MIB1: variants seen among roughly 807,000 people sequenced by gnomAD.
MIB1 encodes E3 ubiquitin-protein ligase MIB1.
In MIB1, 278 loss-of-function variants were observed where a neutral mutation model predicts 124.5. That is an observed-to-expected ratio of 2.23 (90% CI 2.02 to 2.47). The LOEUF is 2.47. MIB1 is among the 30% of genes most tolerant of loss of function. The probability of loss-of-function intolerance (pLI) is 0.00; values close to 1 mark genes in which losing one functional copy is unlikely to be tolerated. For synonymous variants in MIB1, 446 were observed against 429.4 expected, an observed-to-expected ratio of 1.04 and a Z score of -0.48; for missense variants, 957 against 1,254.4, an observed-to-expected ratio of 0.76 and a Z score of 3.58.
chr18:21,774,810 A>ATTTATTTATTTATT (rs1555690026), intron 4 of MIB1, among the ~76,000 whole-genome samples: 1 of 149,580 alleles, frequency 6.7e-6, no homozygotes, highest in African/African-American at 2.5e-5. Context: ...TTTATTTTTT[A>ATTTATTTATTTATT]TATTTATTTA....
intron 1 of MIB1, among the ~76,000 whole-genome samples, chr18:21,743,640 T>C (rs186476201): frequency 2.0e-5 from 3 of 152,344 alleles, no homozygotes; most frequent in Admixed American, 6.5e-5. Flanking sequence ...ACTCTTTTTT[T>C]TTTTGAGACA....
intron 1 of MIB1, among the ~76,000 whole-genome samples, chr18:21,722,290 G>A (rs952266339): frequency 6.6e-6 from 1 of 151,956 alleles, no homozygotes; most frequent in Admixed American, 6.6e-5. Flanking sequence ...TCCTGACCTC[G>A]TGATCCACCT....
intron 9 of MIB1, among the ~76,000 whole-genome samples, chr18:21,803,071 C>T (rs889668621): frequency 6.6e-6 from 1 of 152,142 alleles, no homozygotes; most frequent in African/African-American, 2.4e-5. Flanking sequence ...CTGTGGCTTC[C>T]TGTTCTCTCT....
At chr18:21,711,434 A>G (rs2146352546) in intron 1 of MIB1, among the ~76,000 whole-genome samples, 1 of 151,878 alleles carries the variant, frequency 6.6e-6, no homozygotes, top group African/African-American at 2.4e-5. Context: ...GGTGCCTGCC[A>G]CTACGCCCGG....
intron 9 of MIB1, among the ~76,000 whole-genome samples, chr18:21,801,715 C>T (rs2041652307): frequency 1.3e-5 from 2 of 152,046 alleles, no homozygotes; most frequent in East Asian, 3.9e-4. Flanking sequence ...TTCCTAAATT[C>T]CCCTTTAACT....
chr18:21,794,181 G>A (rs6508591), intron 7 of MIB1: 150,255 of 152,278 alleles, frequency 0.99, 74,139 homozygotes, highest in Middle Eastern at 1. Flanking sequence ...GCAAAAAAAC[G>A]AAAAATGAGC....
At chr18:21,769,857 G>A (rs1053452640) in intron 3 of MIB1, among the ~76,000 whole-genome samples, 1 of 152,172 alleles carries the variant, frequency 6.6e-6, no homozygotes, top group Admixed American at 6.5e-5. Flanking sequence ...GAGGCTTTGA[G>A]TCATTCTGTT....
chr18:21,771,635 A>G (rs1487347634), intron 3 of MIB1, among the ~76,000 whole-genome samples: 1 of 152,154 alleles, frequency 6.6e-6, no homozygotes, highest in Non-Finnish European at 1.5e-5. Flanking sequence ...GGAGGATGGG[A>G]TTGATGAGAT....
intron 1 of MIB1, among the ~76,000 whole-genome samples, chr18:21,744,232 T>C (rs535690438): frequency 6.6e-6 from 1 of 152,068 alleles, no homozygotes; most frequent in East Asian, 1.9e-4. Flanking sequence ...TTCACTGACA[T>C]TTTATTACAT....
intron 1 of MIB1, among the ~76,000 whole-genome samples, chr18:21,758,831 C>G (rs1322913488): frequency 6.6e-6 from 1 of 152,164 alleles, no homozygotes; most frequent in Non-Finnish European, 1.5e-5. Flanking sequence ...CCGCGCCCAG[C>G]TGACTTATAA....
chr18:21,846,881 A>G, intron 15 of MIB1, 63 bp from the exon 16 acceptor site: 3 of 1,480,840 alleles, frequency 2.0e-6, no homozygotes, highest in South Asian at 2.4e-5. Context: ...ATACATATAT[A>G]TGATGACAAG....
chr18:21,732,395 G>C (rs201011971), intron 1 of MIB1, among the ~76,000 whole-genome samples: 40 of 112,806 alleles, frequency 3.5e-4, no homozygotes, highest in East Asian at 1.4e-3. Context: ...CACACACACA[G>C]AGCAAGAGAG....
intron 1 of MIB1, among the ~76,000 whole-genome samples, chr18:21,716,433 G>T (rs748903257): frequency 2.0e-5 from 3 of 152,036 alleles, no homozygotes; most frequent in Non-Finnish European, 4.4e-5. Flanking sequence ...AATCTTACAG[G>T]ACCTATAAAA....
At chr18:21,735,965 C>T (rs1032164315), upstream of MIB1, among the ~76,000 whole-genome samples, 4 of 152,224 alleles carry the variant, frequency 2.6e-5, no homozygotes, top group African/African-American at 4.8e-5. Flanking sequence ...CTTACTTAAA[C>T]GTCCCTGTCT....
chr18:21,742,276 CTTTTTTTTT>C (rs573203298), intron 1 of MIB1, among the ~76,000 whole-genome samples: 2 of 136,768 alleles, frequency 1.5e-5, no homozygotes, highest in Non-Finnish European at 3.2e-5. Context: ...GTGGAGATGC[CTTTTTTTTT>C]TTTTTTTTTA....
chr18:21,740,341 C>T (rs1420152891), upstream of MIB1, among the ~76,000 whole-genome samples: 2 of 152,216 alleles, frequency 1.3e-5, no homozygotes, highest in Non-Finnish European at 2.9e-5. Context: ...TTCTAAAAGT[C>T]TTTACCGTTG....
chr18:21,806,994 C>G (rs1256807852), intron 10 of MIB1, among the ~76,000 whole-genome samples: 2 of 152,240 alleles, frequency 1.3e-5, no homozygotes, highest in Non-Finnish European at 1.5e-5. Flanking sequence ...TTACCATATT[C>G]CTCATTTGGA....
At chr18:21,839,029 G>A (rs1448312781) in intron 13 of MIB1, among the ~76,000 whole-genome samples, 1 of 152,144 alleles carries the variant, frequency 6.6e-6, no homozygotes, top group African/African-American at 2.4e-5. Context: ...TGGATTTTGG[G>A]AGGAGCCTAT....
At chr18:21,851,187 G>T (rs2042176775) in intron 17 of MIB1, among the ~76,000 whole-genome samples, 1 of 152,084 alleles carries the variant, frequency 6.6e-6, no homozygotes. Context: ...ACTGACATCT[G>T]GTTCTTGAAT....
Sources: gnomAD v4.1 joint callset for allele counts (sites outside exome capture counted in the v4.1 genomes callset) on GRCh38, gnomAD v4.1.1 for gene constraint, MANE v1.5 for transcripts, NCBI Gene and HGNC (gene_info 2026-07-23, HGNC 2026-07-21) for gene names.